The following ARHGAP15 variants were observed in gnomAD, a reference collection of about 807,000 sequenced individuals.
The protein encoded by ARHGAP15 is rho GTPase-activating protein 15.
In ARHGAP15, 51 loss-of-function variants were observed where a neutral mutation model predicts 63.7. The observed-to-expected ratio is 0.80, with a 90% confidence interval of 0.64 to 1.01. The LOEUF (loss-of-function observed/expected upper bound fraction) is 1.01. Ranked by LOEUF, ARHGAP15 falls within the 50% of genes least tolerant of loss-of-function variation. The pLI, the probability that ARHGAP15 is intolerant of heterozygous loss-of-function variation, is 0.00. For synonymous variants in ARHGAP15, 191 were observed against 193.8 expected, an observed-to-expected ratio of 0.99 and a Z score of 0.12; for missense variants, 560 against 564.6, an observed-to-expected ratio of 0.99 and a Z score of 0.08.
intron 13 of ARHGAP15, among the ~76,000 whole-genome samples, chr2:143,707,901 A>T (rs183157806): frequency 1.3e-5 from 2 of 152,350 alleles, no homozygotes; most frequent in East Asian, 1.9e-4. Flanking sequence ...TGGGGGAAAA[A>T]GTTGTGAATG....
intron 4 of ARHGAP15, among the ~76,000 whole-genome samples, chr2:143,223,869 C>T (rs1454310504): frequency 1.3e-5 from 2 of 152,180 alleles, no homozygotes; most frequent in African/African-American, 4.8e-5. Flanking sequence ...AGGATGCAAC[C>T]TTACTGGGCT....
chr2:143,575,853 T>C (rs2105132244), intron 11 of ARHGAP15, among the ~76,000 whole-genome samples: 2 of 152,276 alleles, frequency 1.3e-5, no homozygotes, highest in Admixed American at 1.3e-4. Flanking sequence ...TAAGAGATGA[T>C]ACCGTTCTAA....
chr2:143,333,378 C>G (rs1438643042), intron 6 of ARHGAP15, among the ~76,000 whole-genome samples: 1 of 152,194 alleles, frequency 6.6e-6, no homozygotes, highest in Non-Finnish European at 1.5e-5. Flanking sequence ...CATGCCATGT[C>G]TATGTAACTC....
At chr2:143,493,805 C>A (rs1461215860) in intron 9 of ARHGAP15, among the ~76,000 whole-genome samples, 1 of 152,196 alleles carries the variant, frequency 6.6e-6, no homozygotes, top group Non-Finnish European at 1.5e-5. Flanking sequence ...TACTCTTTAA[C>A]AGTTTCCATG....
intron 2 of ARHGAP15, among the ~76,000 whole-genome samples, chr2:143,168,690 G>A (rs763048126): frequency 6.6e-5 from 10 of 151,758 alleles, no homozygotes; most frequent in Admixed American, 1.3e-4. Context: ...AAGTGAAGCC[G>A]TGCACTTGTA....
At chr2:143,662,624 G>A (rs1444625312) in intron 12 of ARHGAP15, among the ~76,000 whole-genome samples, 2 of 101,614 alleles carry the variant, frequency 2.0e-5, no homozygotes, top group African/African-American at 3.0e-5. Flanking sequence ...TCTGAGCTAC[G>A]GGAGGACATT....
At chr2:143,311,370 A>G (rs1683441297) in intron 6 of ARHGAP15, among the ~76,000 whole-genome samples, 1 of 151,902 alleles carries the variant, frequency 6.6e-6, no homozygotes, top group Non-Finnish European at 1.5e-5. Flanking sequence ...TTCATGATAT[A>G]AATAATTTGA....
chr2:143,732,715 TA>T lies in ARHGAP15; in HGVS notation c.1244+29202del, dbSNP rs543230453. 2.2e-3 allele frequency among the ~76,000 whole-genome samples: 323 copies of T among 146,374 alleles called. 3 individuals are homozygous for T. The South Asian group carries it at 0.034, about 15-fold the overall frequency. On this transcript the variant is annotated intron_variant, in intron 13 of 13. Coordinates refer to ENST00000295095, the MANE Select transcript of ARHGAP15 (RefSeq NM_018460.4). ...AAAACATATGAGATTTTCATAGAAT[TA>T]AAAAAAAAAACTCACTAAACAGTAC...
intron 12 of ARHGAP15, among the ~76,000 whole-genome samples, chr2:143,678,111 T>C (rs992331439): frequency 1.3e-5 from 2 of 152,078 alleles, no homozygotes; most frequent in African/African-American, 4.8e-5. Flanking sequence ...CTTGGGAGGC[T>C]GAGATAGGAG....
chr2:143,392,016 C>T (rs577651076), intron 6 of ARHGAP15, among the ~76,000 whole-genome samples: 5 of 152,022 alleles, frequency 3.3e-5, no homozygotes, highest in Non-Finnish European at 7.4e-5. Context: ...TAGAGGTCCA[C>T]TGGCTTTGAC....
At chr2:143,442,861 A>G (rs1689952562) in intron 8 of ARHGAP15, among the ~76,000 whole-genome samples, 1 of 152,154 alleles carries the variant, frequency 6.6e-6, no homozygotes, top group Non-Finnish European at 1.5e-5. Context: ...AAAAGAATAT[A>G]CATATTTTCT....
chr2:143,763,122 C>G (rs1318104866), intron 13 of ARHGAP15, among the ~76,000 whole-genome samples: 1 of 151,780 alleles, frequency 6.6e-6, no homozygotes, highest in East Asian at 1.9e-4. Context: ...CTGGTCCCCA[C>G]AGTAGGAGTG....
intron 12 of ARHGAP15, among the ~76,000 whole-genome samples, chr2:143,694,087 C>A (rs985497093): frequency 6.6e-6 from 1 of 152,052 alleles, no homozygotes; most frequent in African/African-American, 2.4e-5. Flanking sequence ...AGGAAAGTTT[C>A]TTAACTATAA....
chr2:143,735,699 G>A (rs1170541145), intron 13 of ARHGAP15, among the ~76,000 whole-genome samples: 1 of 152,048 alleles, frequency 6.6e-6, no homozygotes, highest in African/African-American at 2.4e-5. Flanking sequence ...TAGAAGTGAG[G>A]GAGAAGCAGT....
At chr2:143,628,062 A>G (rs1268152680) in intron 12 of ARHGAP15, among the ~76,000 whole-genome samples, 3 of 151,992 alleles carry the variant, frequency 2.0e-5, no homozygotes, top group African/African-American at 4.8e-5. Context: ...TCCCACTTAT[A>G]AGAAAGAACA....
At chr2:143,230,506 G>T (rs181857915) in intron 5 of ARHGAP15, among the ~76,000 whole-genome samples, 23 of 152,206 alleles carry the variant, frequency 1.5e-4, no homozygotes, top group Admixed American at 2.6e-4. Context: ...CATTTTCCTA[G>T]GAGTCCTTAT....
At chr2:143,603,410 A>T (rs1697855224) in intron 11 of ARHGAP15, among the ~76,000 whole-genome samples, 1 of 152,170 alleles carries the variant, frequency 6.6e-6, no homozygotes, top group Admixed American at 6.5e-5. Context: ...ACCTGTTTGG[A>T]CGCAGCTGCA....
At chr2:143,235,826 A>T (rs1693620946) in intron 5 of ARHGAP15, 15 of 1,219,146 alleles carry the variant, frequency 1.2e-5, no homozygotes, top group Non-Finnish European at 1.6e-5. Flanking sequence ...GCCTTGACTC[A>T]CACTCCTTGT....
intron 6 of ARHGAP15, among the ~76,000 whole-genome samples, chr2:143,416,918 ACCTCTAACC>A (rs1271056978): frequency 6.7e-6 from 1 of 148,952 alleles, no homozygotes; most frequent in African/African-American, 2.5e-5. Context: ...ATACTGTCTC[ACCTCTAACC>A]CCTCTTGGGA....
Sources: allele counts gnomAD v4.1 joint callset (sites outside exome capture counted in the v4.1 genomes callset), GRCh38; gene constraint gnomAD v4.1.1; transcripts MANE v1.5; gene names NCBI Gene and HGNC (gene_info 2026-07-23, HGNC 2026-07-21).